Variants in THSD4 observed in about 807,000 individuals in gnomAD.
The protein encoded by THSD4 is thrombospondin type-1 domain-containing protein 4.
THSD4 carries 69 observed loss-of-function variants against 119.0 expected under a neutral mutation model. The ratio of observed to expected loss-of-function variants is 0.58; its 90% confidence interval spans 0.48 to 0.71. The LOEUF is 0.71. THSD4 is among the 30% of genes least tolerant of loss of function. The probability of loss-of-function intolerance (pLI) is 0.00; values close to 1 mark genes in which losing one functional copy is unlikely to be tolerated. For missense variants in THSD4, 1,393 were observed against 1,391.1 expected, an observed-to-expected ratio of 1.00 and a Z score of -0.02; for synonymous variants, 524 against 540.4, an observed-to-expected ratio of 0.97 and a Z score of 0.42.
chr15:71,363,640 A>G (rs1042979141), intron 6 of THSD4, among the ~76,000 whole-genome samples: 3 of 152,216 alleles, frequency 2.0e-5, no homozygotes, highest in Non-Finnish European at 4.4e-5. Flanking sequence ...TATTTAACTC[A>G]TTAATTAATG....
chr15:71,384,058 G>A (rs901958575), intron 6 of THSD4, among the ~76,000 whole-genome samples: 1 of 152,146 alleles, frequency 6.6e-6, no homozygotes, highest in Non-Finnish European at 1.5e-5. Context: ...CTAATTCAGG[G>A]CAGAGCTCAT....
At chr15:71,542,910 T>C (rs987053445) in intron 7 of THSD4, among the ~76,000 whole-genome samples, 1 of 150,810 alleles carries the variant, frequency 6.6e-6, no homozygotes, top group Non-Finnish European at 1.5e-5. Flanking sequence ...AAAAACAAAT[T>C]GAAGGATAAT....
At chr15:71,354,556 G>A (rs2045784079) in intron 6 of THSD4, among the ~76,000 whole-genome samples, 1 of 152,130 alleles carries the variant, frequency 6.6e-6, no homozygotes, top group Non-Finnish European at 1.5e-5. Flanking sequence ...ACATAAATTT[G>A]TTGAATGCCC....
At chr15:71,219,230 C>G (rs1167943280) in intron 4 of THSD4, among the ~76,000 whole-genome samples, 1 of 152,152 alleles carries the variant, frequency 6.6e-6, no homozygotes, top group African/African-American at 2.4e-5. Context: ...CCCTGACACC[C>G]ACGTCACACT....
At chr15:71,232,531 G>T (rs1021415543) in intron 4 of THSD4, among the ~76,000 whole-genome samples, 47 of 152,184 alleles carry the variant, frequency 3.1e-4, no homozygotes, top group African/African-American at 1.0e-3. Context: ...AGTGGGGAAA[G>T]CACATGGGCG....
intron 6 of THSD4, among the ~76,000 whole-genome samples, chr15:71,258,974 G>A (rs575620530): frequency 2.0e-5 from 3 of 152,064 alleles, no homozygotes; most frequent in African/African-American, 2.4e-5. Flanking sequence ...TCAGCCTGGC[G>A]TGGTGGTGCA....
chr15:71,378,564 T>A lies in THSD4; in HGVS notation c.1016-33123T>A, dbSNP rs959686160. Among the ~76,000 whole-genome samples the A allele has an allele frequency of 2.6e-5, 4 of 152,234 alleles. No individual in the cohort carries two copies. The East Asian group carries it at 7.7e-4, about 29-fold the overall frequency. ...AATGAGAACACAGGTAGGAAAACAA[T>A]GTAATGCAGTAATTGCATATATAAA... is the stretch of plus-strand genomic sequence containing the variant. On this transcript the variant is annotated intron_variant, in intron 6 of 17. Coordinates refer to ENST00000261862, the MANE Select transcript of THSD4 (RefSeq NM_024817.3).
At chr15:71,578,917 C>T (rs942608374) in intron 7 of THSD4, among the ~76,000 whole-genome samples, 2 of 148,008 alleles carry the variant, frequency 1.4e-5, no homozygotes, top group African/African-American at 2.5e-5. Context: ...AATCTCGGCT[C>T]ACTGCAAGCT....
intron 6 of THSD4, among the ~76,000 whole-genome samples, chr15:71,293,155 A>G (rs1314447365): frequency 6.6e-6 from 1 of 152,202 alleles, no homozygotes; most frequent in African/African-American, 2.4e-5. Context: ...TGTGCTGCAG[A>G]TGCCCTGTGC....
At chr15:71,128,402 C>G (rs2040473122) in intron 1 of THSD4, among the ~76,000 whole-genome samples, 1 of 151,888 alleles carries the variant, frequency 6.6e-6, no homozygotes, top group Non-Finnish European at 1.5e-5. Context: ...TGGCACATGT[C>G]TGTAATCCCA....
intron 6 of THSD4, among the ~76,000 whole-genome samples, chr15:71,377,240 G>C (rs1045950688): frequency 3.9e-5 from 6 of 152,206 alleles, no homozygotes; most frequent in African/African-American, 1.4e-4. Context: ...AGATGTGAGA[G>C]GAAGTTGAGG....
At position 71,341,630 on chromosome 15, in the gene THSD4, T is replaced by C. The variant is rs372362089; in HGVS notation, c.1016-70057T>C. The C allele has an allele frequency of 5.7e-6, 9 of 1,582,010 alleles. No homozygotes were observed. The African/African-American group carries it at 9.4e-5, about 17-fold the overall frequency. ...GATGGCCTGAGCAGTTTCACGAGTG[T>C]TCTTAAAGTGAACACGAAGATTGGA... On this transcript the variant is annotated intron_variant, in intron 6 of 17. Transcript: ENST00000261862.
intron 8 of THSD4, among the ~76,000 whole-genome samples, chr15:71,727,553 AATATATATATAT>A (rs869196877): frequency 1.5e-3 from 188 of 122,660 alleles, no homozygotes; most frequent in African/African-American, 7.0e-3. Context: ...AAAAAAAAAA[AATATATATATAT>A]ATATATATAT....
Position 71,745,094 on chromosome 15 carries a change from CTGT to C in THSD4, c.1907-6_1907-4del. On this transcript the variant is annotated splice_polypyrimidine_tract_variant and intron_variant, in intron 11 of 17. Transcript: ENST00000261862. ...GTGGGACTGTCCTTCAGACATTCTC[CTGT>C]TGTTGCAGGATCGCAGTACCCTATT... is the stretch of plus-strand genomic sequence containing the variant. 1.2e-6 allele frequency: 2 copies of C among 1,608,416 alleles called. No homozygotes were observed. The highest frequency in any genetic ancestry group is 1.7e-6 in the Non-Finnish European group (2 of 1,177,356).
intron 7 of THSD4, among the ~76,000 whole-genome samples, chr15:71,616,654 T>C (rs1432366100): frequency 6.6e-6 from 1 of 152,178 alleles, no homozygotes; most frequent in African/African-American, 2.4e-5. Context: ...TTCAATCCAC[T>C]GTGAGGAAGC....
At chr15:71,561,484 C>T (rs117132562) in intron 7 of THSD4, among the ~76,000 whole-genome samples, 373 of 152,098 alleles carry the variant, frequency 2.5e-3, no homozygotes, top group Non-Finnish European at 4.4e-3. Flanking sequence ...GGTATTTGTC[C>T]AACTGAAGTA....
At chr15:71,134,370 G>GA (rs1242771961) in intron 1 of THSD4, among the ~76,000 whole-genome samples, 1 of 152,224 alleles carries the variant, frequency 6.6e-6, no homozygotes. Flanking sequence ...AGGAGGGTGG[G>GA]ACCTCCACAG....
rs111242561 is a variant in THSD4, at chr15:71,419,214, C to CT, written c.1152+7400dup. Among the ~76,000 whole-genome samples, 5 of 94,978 alleles carry CT rather than the reference C, an allele frequency of 5.3e-5. 1 individual carries two copies. The highest frequency in any genetic ancestry group is 1.8e-4 in the African/African-American group (5 of 27,446). The allele number at this position is 94,978 out of a possible 152,430, so 62.3% of individuals were successfully genotyped here. A position where few individuals can be genotyped will look rare whatever the true frequency, so the allele number is the denominator to read the frequency against. ...TTTCTTTTCTTTTCTTTTTCTTTTT[C>CT]TTTTTTTTTAGACAGTGTTGCCCTG... is the stretch of plus-strand genomic sequence containing the variant. On this transcript the variant is annotated intron_variant, in intron 7 of 17. Coordinates refer to ENST00000261862, the MANE Select transcript of THSD4 (RefSeq NM_024817.3).
intron 7 of THSD4, among the ~76,000 whole-genome samples, chr15:71,466,934 G>A (rs1451776311): frequency 6.6e-6 from 1 of 152,216 alleles, no homozygotes; most frequent in African/African-American, 2.4e-5. Flanking sequence ...GGTAGCTTCC[G>A]CAAGGGAGCC....
Sources: allele counts gnomAD v4.1 joint callset (sites outside exome capture counted in the v4.1 genomes callset), GRCh38; gene constraint gnomAD v4.1.1; transcripts MANE v1.5; gene names NCBI Gene and HGNC (gene_info 2026-07-23, HGNC 2026-07-21).